The following NXPE2 variants were observed in gnomAD, a reference collection of about 807,000 sequenced individuals.
NXPE2 encodes NXPE family member 2.
Under a neutral mutation model 34.4 loss-of-function variants are expected in NXPE2, and 34 were observed. The observed-to-expected ratio is 0.99, with a 90% CI of 0.75 to 1.31. NXPE2 has a LOEUF of 1.31. Among genes scored for constraint, NXPE2 ranks in the 40% most tolerant of loss-of-function variants. The probability of loss-of-function intolerance (pLI) is 0.00; values close to 1 mark genes in which losing one functional copy is unlikely to be tolerated. For missense variants in NXPE2, 649 were observed against 672.5 expected (o/e 0.97, Z 0.39); for synonymous variants, 235 against 231.3 (o/e 1.02, Z -0.15).
intron 2 of NXPE2, among the ~76,000 whole-genome samples, chr11:114,697,113 A>G (rs1951272564): frequency 6.6e-6 from 1 of 152,150 alleles, no homozygotes; most frequent in East Asian, 1.9e-4. Context: ...ATGGTTGACC[A>G]TGGGTAACTA....
chr11:114,746,834 G>A, the NXPE2 span, among the ~76,000 whole-genome samples: 374 of 147,236 alleles, frequency 2.5e-3, 1 homozygote, highest in African/African-American at 8.6e-3. Flanking sequence ...CTGGGCAATA[G>A]AGTAAGACTC....
At chr11:114,521,768 G>T in the NXPE2 span, 6 of 526,656 alleles carry the variant, frequency 1.1e-5, no homozygotes, top group South Asian at 2.0e-4. Flanking sequence ...ACCAGGCATG[G>T]TATAGTCATT....
the NXPE2 span, among the ~76,000 whole-genome samples, chr11:114,576,336 C>T: frequency 2.1e-5 from 3 of 139,928 alleles, no homozygotes; most frequent in Non-Finnish European, 4.7e-5. Context: ...GCAACAAAAA[C>T]AAACATAAAT....
At chr11:114,583,985 A>G in the NXPE2 span, 1 of 374,348 alleles carries the variant, frequency 2.7e-6, no homozygotes, top group Non-Finnish European at 5.2e-6. Context: ...CAAACTGGTC[A>G]TGTCCAAAGT....
chr11:114,563,041 G>T, the NXPE2 span, among the ~76,000 whole-genome samples: 3 of 152,124 alleles, frequency 2.0e-5, no homozygotes, highest in Admixed American at 6.5e-5. Context: ...GGGTTTGGGG[G>T]AAGAGTGTTT....
the NXPE2 span, among the ~76,000 whole-genome samples, chr11:114,764,083 C>T: frequency 6.6e-6 from 1 of 152,256 alleles, no homozygotes; most frequent in East Asian, 1.9e-4. Flanking sequence ...CTCCTGTTTC[C>T]TCATGGTGCA....
chr11:114,789,036 C>G, the NXPE2 span, among the ~76,000 whole-genome samples: 2 of 152,152 alleles, frequency 1.3e-5, no homozygotes, highest in South Asian at 4.2e-4. Context: ...TCAATTAAGC[C>G]ATGAATCAAC....
the NXPE2 span, among the ~76,000 whole-genome samples, chr11:114,628,161 C>G: frequency 7.0e-6 from 1 of 143,848 alleles, no homozygotes; most frequent in African/African-American, 2.7e-5. Flanking sequence ...AGCTCTGCAC[C>G]AAGTGGACCT....
the NXPE2 span, among the ~76,000 whole-genome samples, chr11:114,750,210 G>T: frequency 6.6e-6 from 1 of 152,178 alleles, no homozygotes; most frequent in Middle Eastern, 3.2e-3. Context: ...GAAGGAAAGA[G>T]AAGTGAAAGA....
At chr11:114,728,200 C>T in the NXPE2 span, among the ~76,000 whole-genome samples, 9 of 152,164 alleles carry the variant, frequency 5.9e-5, no homozygotes, top group South Asian at 2.1e-4. Flanking sequence ...CTTGAAATTA[C>T]GTTAGCCTCA....
the NXPE2 span, among the ~76,000 whole-genome samples, chr11:114,476,373 C>G: frequency 6.6e-6 from 1 of 152,278 alleles, no homozygotes; most frequent in African/African-American, 2.4e-5. Flanking sequence ...CTTCTTCTTT[C>G]TACCTTTGTT....
the NXPE2 span, among the ~76,000 whole-genome samples, chr11:114,801,735 T>C: frequency 2.6e-5 from 4 of 152,118 alleles, no homozygotes; most frequent in Admixed American, 2.6e-4. Context: ...GATTTGGTGA[T>C]AGATTGGATG....
chr11:114,576,193 A>T, the NXPE2 span, among the ~76,000 whole-genome samples: 1 of 152,182 alleles, frequency 6.6e-6, no homozygotes, highest in African/African-American at 2.4e-5. Flanking sequence ...CTTATACAAA[A>T]ATCAACTCCA....
chr11:114,536,770 T>G, the NXPE2 span, among the ~76,000 whole-genome samples: 1 of 152,162 alleles, frequency 6.6e-6, no homozygotes, highest in African/African-American at 2.4e-5. Flanking sequence ...TAACAGGCTC[T>G]GAAATTGAGG....
chr11:114,471,454 A>G, the NXPE2 span, among the ~76,000 whole-genome samples: 1 of 152,284 alleles, frequency 6.6e-6, no homozygotes, highest in African/African-American at 2.4e-5. Context: ...TTAATAATAT[A>G]CCCTCATTTT....
the NXPE2 span, among the ~76,000 whole-genome samples, chr11:114,766,616 C>G: frequency 6.6e-6 from 1 of 151,518 alleles, no homozygotes; most frequent in African/African-American, 2.4e-5. Flanking sequence ...CTTCATTCTT[C>G]TTGTCCTCTT....
At chr11:114,633,863 A>T in the NXPE2 span, among the ~76,000 whole-genome samples, 1 of 151,962 alleles carries the variant, frequency 6.6e-6, no homozygotes, top group Non-Finnish European at 1.5e-5. Context: ...CCAGTCTATC[A>T]TTTTTGGATA....
At chr11:114,551,303 C>T in the NXPE2 span, 1 of 1,358,790 alleles carries the variant, frequency 7.4e-7, no homozygotes, top group South Asian at 1.5e-5. Context: ...TTGCCTCCAA[C>T]ATTTTGTTCT....
the NXPE2 span, among the ~76,000 whole-genome samples, chr11:114,548,386 G>T: frequency 6.6e-6 from 1 of 151,998 alleles, no homozygotes; most frequent in African/African-American, 2.4e-5. Context: ...AGGAACATAT[G>T]AAACCTTTAC....
Sources: gnomAD v4.1 joint callset for allele counts (sites outside exome capture counted in the v4.1 genomes callset) on GRCh38, gnomAD v4.1.1 for gene constraint, MANE v1.5 for transcripts, NCBI Gene and HGNC (gene_info 2026-07-23, HGNC 2026-07-21) for gene names.